Variants in REEP3 observed in about 807,000 individuals in gnomAD.
REEP3 encodes the protein receptor expression-enhancing protein 3.
A neutral mutation model predicts 41.3 loss-of-function variants in REEP3; 20 were observed. That is an observed-to-expected ratio of 0.48 (90% confidence interval 0.34 to 0.70). The LOEUF (loss-of-function observed/expected upper bound fraction) is 0.70. Ranked by LOEUF, REEP3 falls within the 30% of genes least tolerant of loss-of-function variation. REEP3 has a pLI of 0.01. For synonymous variants in REEP3, 104 were observed against 101.8 expected (o/e 1.02, Z -0.13); for missense variants, 271 against 308.8 (o/e 0.88, Z 0.92).
chr10:63,607,056 A>C (rs1956235237), intron 5 of REEP3, among the ~76,000 whole-genome samples: 1 of 152,236 alleles, frequency 6.6e-6, no homozygotes, highest in Admixed American at 6.5e-5. Flanking sequence ...ACTGGAAGGA[A>C]TAAGGTAGTC....
chr10:63,532,549 C>T (rs1200420316), intron 1 of REEP3, among the ~76,000 whole-genome samples: 1 of 151,934 alleles, frequency 6.6e-6, no homozygotes, highest in Admixed American at 6.6e-5. Flanking sequence ...GTAATCCCAG[C>T]TACTCGAAGG....
rs545967448 is a variant in REEP3 at position 63,595,504 on chromosome 10, A to G, written c.182+650A>G. On this transcript the variant is annotated intron_variant, in intron 3 of 7. Transcript: ENST00000373758. ...TCCTTTCAAAATATTTTGGTTTACT[A>G]CCTTGCTGATATCTTCATCTGCCCT... 2.6e-3 allele frequency among the ~76,000 whole-genome samples: 389 copies of G among 152,148 alleles called. 2 individuals are homozygous for G. Among genetic ancestry groups the G allele is most frequent in the African/African-American group, 8.8e-3 (365 of 41,504 alleles).
intron 5 of REEP3, among the ~76,000 whole-genome samples, chr10:63,608,102 A>G (rs1956245301): frequency 6.6e-6 from 1 of 152,212 alleles, no homozygotes; most frequent in South Asian, 2.1e-4. Flanking sequence ...AATAAAGAGA[A>G]TGACATTTCT....
chr10:63,530,583 C>G (rs1468937046), intron 1 of REEP3, among the ~76,000 whole-genome samples: 1 of 152,184 alleles, frequency 6.6e-6, no homozygotes, highest in Non-Finnish European at 1.5e-5. Context: ...CTTGTTTTCA[C>G]TGCATGGGCT....
chr10:63,527,197 C>T (rs1035816597), intron 1 of REEP3, among the ~76,000 whole-genome samples: 8 of 152,128 alleles, frequency 5.3e-5, no homozygotes, highest in African/African-American at 1.7e-4. Flanking sequence ...AACCATACTT[C>T]AGCAGCTTTC....
intron 2 of REEP3, among the ~76,000 whole-genome samples, chr10:63,592,029 TA>T (rs2133401343): frequency 6.6e-6 from 1 of 152,354 alleles, no homozygotes; most frequent in African/African-American, 2.4e-5. Context: ...GTGAATTTAT[TA>T]AATTTTCTGT....
At chr10:63,548,119 G>A (rs1955595435) in intron 1 of REEP3, among the ~76,000 whole-genome samples, 1 of 152,176 alleles carries the variant, frequency 6.6e-6, no homozygotes, top group African/African-American at 2.4e-5. Context: ...AGCGGGGACT[G>A]GAAGTGATAA....
Position 63,539,149 on chromosome 10 carries a change from C to CT in REEP3, c.32+17583dup, listed in dbSNP as rs538716246. On this transcript the variant is annotated intron_variant, in intron 1 of 7. Coordinates refer to ENST00000373758, the MANE Select transcript of REEP3 (RefSeq NM_001001330.3). ...ATTGCCAACTTTAGGTTAAATAACA[C>CT]TTTTTTTTTTTGTATGAAGAATGCT... 7.0e-3 allele frequency among the ~76,000 whole-genome samples: 1,023 copies of CT among 146,876 alleles called. 5 individuals carry two copies. Among genetic ancestry groups the CT allele is most frequent in the African/African-American group, 0.02 (821 of 40,308 alleles).
intron 1 of REEP3, among the ~76,000 whole-genome samples, chr10:63,539,671 A>G (rs990070659): frequency 1.3e-5 from 2 of 152,212 alleles, no homozygotes; most frequent in African/African-American, 4.8e-5. Flanking sequence ...TGAACACATG[A>G]TAAATTAAGA....
intron 5 of REEP3, among the ~76,000 whole-genome samples, chr10:63,605,033 G>T (rs1361795083): frequency 6.6e-6 from 1 of 152,130 alleles, no homozygotes; most frequent in Non-Finnish European, 1.5e-5. Context: ...GGTCAGGGAT[G>T]CTGCTTAATA....
chr10:63,619,246 G>A (rs1956334754), intron 6 of REEP3, among the ~76,000 whole-genome samples: 1 of 152,150 alleles, frequency 6.6e-6, no homozygotes, highest in Admixed American at 6.5e-5. Flanking sequence ...CCTAATTCAA[G>A]GCAAAAGTGC....
chr10:63,562,293 G>T (rs1184179556), intron 1 of REEP3, among the ~76,000 whole-genome samples: 1 of 146,680 alleles, frequency 6.8e-6, no homozygotes, highest in Non-Finnish European at 1.5e-5. Context: ...GTCTTACTCT[G>T]TCGCCCAGGC....
At chr10:63,546,073 A>G (rs1375366636) in intron 1 of REEP3, among the ~76,000 whole-genome samples, 3 of 152,192 alleles carry the variant, frequency 2.0e-5, no homozygotes, top group African/African-American at 4.8e-5. Context: ...ATGGAGGTCA[A>G]TGTGGCTGGA....
intron 1 of REEP3, among the ~76,000 whole-genome samples, chr10:63,538,212 C>T (rs1468648385): frequency 6.6e-6 from 1 of 151,984 alleles, no homozygotes; most frequent in African/African-American, 2.4e-5. Flanking sequence ...GTTAGTTTAG[C>T]CTATCAAAAA....
intron 1 of REEP3, among the ~76,000 whole-genome samples, chr10:63,533,025 A>G (rs1319302478): frequency 1.3e-5 from 2 of 152,242 alleles, no homozygotes; most frequent in Non-Finnish European, 1.5e-5. Flanking sequence ...TCTTATAAGG[A>G]AGCCAGTTTT....
intron 1 of REEP3, among the ~76,000 whole-genome samples, chr10:63,565,976 C>T (rs1955794358): frequency 6.6e-6 from 1 of 151,550 alleles, no homozygotes; most frequent in South Asian, 2.1e-4. Flanking sequence ...GCTCCGTCCC[C>T]TGGGTTCACG....
intron 6 of REEP3, among the ~76,000 whole-genome samples, chr10:63,618,867 C>T (rs1285844123): frequency 6.6e-6 from 1 of 152,254 alleles, no homozygotes; most frequent in Non-Finnish European, 1.5e-5. Context: ...GAGGCCAAGC[C>T]TCAAGATGCT....
At chr10:63,537,607 G>C (rs1564992956) in intron 1 of REEP3, among the ~76,000 whole-genome samples, 1 of 152,200 alleles carries the variant, frequency 6.6e-6, no homozygotes, top group Non-Finnish European at 1.5e-5. Context: ...TCAGGACCAA[G>C]ATATCTACAG....
intron 1 of REEP3, chr10:63,562,840 T>G (rs982162156): frequency 2.0e-5 from 9 of 440,674 alleles, no homozygotes; most frequent in Middle Eastern, 3.3e-4. Context: ...ATATATGTGT[T>G]ATGGGCTGAA....
Sources: gnomAD v4.1 joint callset for allele counts (sites outside exome capture counted in the v4.1 genomes callset) on GRCh38, gnomAD v4.1.1 for gene constraint, MANE v1.5 for transcripts, NCBI Gene and HGNC (gene_info 2026-07-23, HGNC 2026-07-21) for gene names.